Variants in KALRN observed in about 807,000 individuals in gnomAD.
KALRN encodes kalirin.
A neutral mutation model predicts 353.7 loss-of-function variants in KALRN; 70 were observed. That is an observed-to-expected ratio of 0.20 (90% confidence interval 0.16 to 0.24). KALRN has a LOEUF of 0.24. Ranked by LOEUF, KALRN falls within the 10% of genes least tolerant of loss-of-function variation. The probability of loss-of-function intolerance (pLI) is 1.00; values close to 1 mark genes in which losing one functional copy is unlikely to be tolerated. For missense variants in KALRN, 2,791 were observed against 3,756.7 expected (o/e 0.74, Z 6.72); for synonymous variants, 1,391 against 1,434.8 (o/e 0.97, Z 0.69).
At chr3:124,067,902 C>T (rs1335626913) in intron 1 of KALRN, among the ~76,000 whole-genome samples, 1 of 152,258 alleles carries the variant, frequency 6.6e-6, no homozygotes, top group East Asian at 1.9e-4. Context: ...GTTTGAGAGA[C>T]TCCTGACGTA....
intron 27 of KALRN, among the ~76,000 whole-genome samples, chr3:124,480,638 T>A (rs1454239713): frequency 6.6e-6 from 1 of 152,256 alleles, no homozygotes; most frequent in South Asian, 2.1e-4. Context: ...ATCCCTTCAG[T>A]CAATTTTAGG....
intron 1 of KALRN, among the ~76,000 whole-genome samples, chr3:124,110,469 G>GTGCACA (rs1553768423): frequency 0.033 from 4,464 of 134,054 alleles, 163 homozygotes; most frequent in Non-Finnish European, 0.05. Flanking sequence ...ACACACGCGC[G>GTGCACA]CACACACACA....
chr3:124,637,902 C>T (rs1047605884), intron 37 of KALRN, among the ~76,000 whole-genome samples: 1 of 152,130 alleles, frequency 6.6e-6, no homozygotes, highest in African/African-American at 2.4e-5. Context: ...ACCCATCAGC[C>T]CGTTGGAGGG....
At chr3:124,337,593 C>T (rs186983765) in intron 9 of KALRN, among the ~76,000 whole-genome samples, 9 of 152,168 alleles carry the variant, frequency 5.9e-5, no homozygotes, top group Non-Finnish European at 1.2e-4. Context: ...GGGATATTGG[C>T]CTGAGATTTT....
At chr3:124,261,203 C>T (rs1047035277) in intron 3 of KALRN, among the ~76,000 whole-genome samples, 1 of 152,128 alleles carries the variant, frequency 6.6e-6, no homozygotes, top group African/African-American at 2.4e-5. Flanking sequence ...TTCAAGTCAA[C>T]AGTCCTGGTT....
intron 34 of KALRN, among the ~76,000 whole-genome samples, chr3:124,581,246 A>G (rs992043062): frequency 4.6e-5 from 7 of 152,098 alleles, no homozygotes; most frequent in African/African-American, 1.7e-4. Context: ...CCCAAAACTT[A>G]GATGTGCATG....
rs1335698566 is a variant in KALRN, at chr3:124,721,574, T to G, written c.*2104T>G. ...CATGTTTTCATTGTGTTTAAAAAATTTAAAACATATTTACTAAAAATCCTT... is the reference window on the plus strand; with the variant it reads ...CATGTTTTCATTGTGTTTAAAAAATGTAAAACATATTTACTAAAAATCCTT... On this transcript the variant is annotated 3_prime_UTR_variant, in exon 60 of 60. Coordinates refer to ENST00000682506, the MANE Select transcript of KALRN (RefSeq NM_001388419.1). The G allele has an allele frequency of 6.6e-6, 1 of 152,230 alleles. No homozygotes were observed. The highest frequency in any genetic ancestry group is 2.4e-5 in the African/African-American group (1 of 41,472). 9.4% of individuals were successfully genotyped at this position (152,230 alleles called of 1,614,324 possible). A position where few individuals can be genotyped will look rare whatever the true frequency, so the allele number is the denominator to read the frequency against.
At chr3:124,583,921 A>G (rs1227472170) in intron 34 of KALRN, among the ~76,000 whole-genome samples, 1 of 152,174 alleles carries the variant, frequency 6.6e-6, no homozygotes, top group Non-Finnish European at 1.5e-5. Context: ...ATGTTTTGGG[A>G]GGCTAAGGCA....
intron 6 of KALRN, among the ~76,000 whole-genome samples, chr3:124,308,707 A>T (rs1330299290): frequency 6.6e-6 from 1 of 151,894 alleles, no homozygotes; most frequent in African/African-American, 2.4e-5. Flanking sequence ...TGCCTATCTT[A>T]AAAAAGCTAA....
At chr3:124,518,167 G>A (rs1176721552) in intron 33 of KALRN, among the ~76,000 whole-genome samples, 1 of 152,156 alleles carries the variant, frequency 6.6e-6, no homozygotes, top group African/African-American at 2.4e-5. Flanking sequence ...TGTGGACCTG[G>A]TGGGCTTCTT....
chr3:124,285,847 T>G (rs558906382), intron 5 of KALRN, among the ~76,000 whole-genome samples: 226 of 152,300 alleles, frequency 1.5e-3, no homozygotes, highest in African/African-American at 5.2e-3. Flanking sequence ...AAAAATAAAA[T>G]TTTAAACTCA....
rs374207040 is a variant in KALRN at position 124,311,185 on chromosome 3, C to T, written c.1092+12272C>T. On this transcript the variant is annotated intron_variant, in intron 6 of 59. Coordinates refer to ENST00000682506, the MANE Select transcript of KALRN (RefSeq NM_001388419.1). The stretch of plus-strand genomic sequence containing the variant: ...GCTATAATCAAAAACTCTGGACAGG[C>T]GCAGTGGCTCACGCCTATAATCGCA... 1.2e-4 allele frequency among the ~76,000 whole-genome samples: 18 copies of T among 147,494 alleles called. No homozygotes were observed. The East Asian group carries it at 3.5e-3, about 29-fold the overall frequency.
chr3:124,653,613 A>G (rs1006200864), intron 38 of KALRN, among the ~76,000 whole-genome samples: 1 of 152,228 alleles, frequency 6.6e-6, no homozygotes, highest in Non-Finnish European at 1.5e-5. Flanking sequence ...GGGGAGGTAA[A>G]TTAGCCATGG....
At chr3:124,044,145 T>C (rs2040211659) in intron 1 of KALRN, among the ~76,000 whole-genome samples, 1 of 152,156 alleles carries the variant, frequency 6.6e-6, no homozygotes, top group Non-Finnish European at 1.5e-5. Context: ...ACTCTCTTTC[T>C]TGGACCCAAA....
chr3:124,533,301 T>C (rs1435796865), intron 33 of KALRN, among the ~76,000 whole-genome samples: 1 of 152,146 alleles, frequency 6.6e-6, no homozygotes, highest in East Asian at 1.9e-4. Context: ...GAAATTAACA[T>C]ATATGCTCCA....
chr3:124,285,259 A>G (rs1034532235), intron 5 of KALRN, among the ~76,000 whole-genome samples: 1 of 152,148 alleles, frequency 6.6e-6, no homozygotes, highest in African/African-American at 2.4e-5. Context: ...AAGGAGTAGT[A>G]TATCCTTCTT....
At chr3:124,134,604 G>GA (rs1265499029) in intron 1 of KALRN, among the ~76,000 whole-genome samples, 1 of 152,152 alleles carries the variant, frequency 6.6e-6, no homozygotes, top group East Asian at 1.9e-4. Context: ...CTGAGTGGGA[G>GA]AAAATCTTCA....
At chr3:124,676,037 G>GCT (rs1209637269) in intron 49 of KALRN, among the ~76,000 whole-genome samples, 1 of 152,120 alleles carries the variant, frequency 6.6e-6, no homozygotes, top group Non-Finnish European at 1.5e-5. Flanking sequence ...TGCCTTTTAG[G>GCT]TAAGCCTTGG....
chr3:124,427,545 T>C (rs1376384208), intron 15 of KALRN, among the ~76,000 whole-genome samples: 1 of 152,244 alleles, frequency 6.6e-6, no homozygotes, highest in African/African-American at 2.4e-5. Flanking sequence ...CCAGCTTAAA[T>C]GGCATCACCA....
Sources: allele counts gnomAD v4.1 joint callset (sites outside exome capture counted in the v4.1 genomes callset), GRCh38; gene constraint gnomAD v4.1.1; transcripts MANE v1.5; gene names NCBI Gene and HGNC (gene_info 2026-07-23, HGNC 2026-07-21).